Variants in FAM3C observed in about 807,000 individuals in gnomAD.
FAM3C encodes the protein protein FAM3C.
FAM3C carries 15 observed loss-of-function variants against 32.5 expected under a neutral mutation model. The observed-to-expected ratio is 0.46, with a 90% CI of 0.31 to 0.71. The LOEUF (loss-of-function observed/expected upper bound fraction) is 0.71. FAM3C is among the 30% of genes least tolerant of loss of function. The probability of loss-of-function intolerance (pLI) is 0.05; values close to 1 mark genes in which losing one functional copy is unlikely to be tolerated. For missense variants in FAM3C, 175 were observed against 274.4 expected (o/e 0.64, Z 2.56); for synonymous variants, 75 against 86.1 (o/e 0.87, Z 0.72).
In FAM3C at chr7:121,351,284, G is replaced by C. The variant is rs758531201; in HGVS notation, c.468-15C>G. 3.1e-6 allele frequency: 5 copies of C among 1,611,694 alleles called. No individual in the cohort carries two copies. Among genetic ancestry groups the C allele is most frequent in the Non-Finnish European group, 4.2e-6 (5 of 1,178,672 alleles). On this transcript the variant is annotated splice_polypyrimidine_tract_variant and intron_variant, in intron 8 of 9. Transcript: ENST00000359943. ...CATCATTGAGTCTTGAAGAGGGAGAGAAAGAATACAACAATAAACAGAGGG... is the reference window on the plus strand; with the variant it reads ...CATCATTGAGTCTTGAAGAGGGAGACAAAGAATACAACAATAAACAGAGGG...
Position 121,364,177 on chromosome 7 carries a change from C to G in FAM3C, c.284G>C (p.Gly95Ala), listed in dbSNP as rs1008067803. The change falls in exon 6 of 10, where the codon GGT becomes GCT. Residue 95 changes from glycine (G) to alanine (A), a missense_variant. Physicochemically the swap from Gly to Ala is moderately conservative, Grantham distance 60. Coordinates refer to ENST00000359943, the MANE Select transcript of FAM3C (RefSeq NM_014888.3). ...CCCTCTTCCAACATTATTCTTAACA[C>G]CACTCATTAAACTGAAGGGGGAGAA... ...ICLEDNVLMS[G>A]VKNNVGRGIN... 3.1e-6 allele frequency: 5 copies of G among 1,590,278 alleles called. 1 individual carries two copies. The highest frequency in any genetic ancestry group is 1.3e-5 in the African/African-American group (1 of 74,384).
chr7:121,359,578 C>T (rs1029835474), intron 8 of FAM3C, among the ~76,000 whole-genome samples: 1 of 151,994 alleles, frequency 6.6e-6, no homozygotes, highest in Admixed American at 6.5e-5. Context: ...CAAATTTTTA[C>T]AACATATACT....
intron 5 of FAM3C, among the ~76,000 whole-genome samples, chr7:121,368,791 T>C (rs1794078038): frequency 6.6e-6 from 1 of 151,934 alleles, no homozygotes; most frequent in African/African-American, 2.4e-5. Flanking sequence ...AGACCAAGGA[T>C]GGTCTTCCTT....
chr7:121,350,623 C>A, intron 9 of FAM3C, 73 bp from the exon 10 acceptor site: 2 of 1,456,408 alleles, frequency 1.4e-6, no homozygotes, highest in Non-Finnish European at 1.9e-6. Context: ...ACATTTTACA[C>A]ACTTCTCATT....
chr7:121,360,263 C>T (rs1426663703), intron 7 of FAM3C, 136 bp from the exon 8 acceptor site: 2 of 575,520 alleles, frequency 3.5e-6, no homozygotes, highest in Admixed American at 3.0e-5. Context: ...AAAAGACAGA[C>T]AAATCTCATA....
At chr7:121,368,609 C>T (rs558103638) in intron 5 of FAM3C, among the ~76,000 whole-genome samples, 15 of 152,124 alleles carry the variant, frequency 9.9e-5, no homozygotes, top group African/African-American at 3.6e-4. Flanking sequence ...TAAATAAAAT[C>T]ACGACATGCC....
intron 1 of FAM3C, among the ~76,000 whole-genome samples, chr7:121,383,581 G>C (rs1441115826): frequency 1.3e-5 from 2 of 152,110 alleles, no homozygotes; most frequent in Non-Finnish European, 2.9e-5. Context: ...AATATGTTAA[G>C]AAGTACAGAA....
At chr7:121,387,083 A>T (rs1437578971) in intron 1 of FAM3C, among the ~76,000 whole-genome samples, 1 of 152,150 alleles carries the variant, frequency 6.6e-6, no homozygotes, top group East Asian at 1.9e-4. Context: ...GTAGCTAGAA[A>T]GCAACCATAG....
At chr7:121,382,373 CAT>C (rs1794374966) in intron 2 of FAM3C, among the ~76,000 whole-genome samples, 1 of 152,058 alleles carries the variant, frequency 6.6e-6, no homozygotes, top group African/African-American at 2.4e-5. Context: ...AGCAAAAACA[CAT>C]ATTTTATCGA....
chr7:121,381,390 G>A (rs1208352186), intron 2 of FAM3C, among the ~76,000 whole-genome samples: 1 of 151,974 alleles, frequency 6.6e-6, no homozygotes, highest in African/African-American at 2.4e-5. Context: ...TTCATTCAAG[G>A]CAGTTCCCTC....
chr7:121,384,102 G>A (rs576544745), intron 1 of FAM3C, among the ~76,000 whole-genome samples: 34 of 152,158 alleles, frequency 2.2e-4, no homozygotes, highest in African/African-American at 6.0e-4. Context: ...CTGGGGGGCG[G>A]GGGAGTCTGG....
At chr7:121,372,071 G>C (rs775546310) in intron 4 of FAM3C, 39 bp downstream of exon 4, 2 of 1,516,950 alleles carry the variant, frequency 1.3e-6, no homozygotes, top group Non-Finnish European at 1.8e-6. Context: ...GCCTAAGGCA[G>C]AATAAATCAT....
At chr7:121,373,267 A>C (rs534469453) in intron 3 of FAM3C, among the ~76,000 whole-genome samples, 1 of 152,334 alleles carries the variant, frequency 6.6e-6, no homozygotes, top group East Asian at 1.9e-4. Context: ...AGATACTTTA[A>C]GGTGAAGAAA....
At chr7:121,372,513 G>T (rs1794168979) in intron 3 of FAM3C, among the ~76,000 whole-genome samples, 1 of 152,100 alleles carries the variant, frequency 6.6e-6, no homozygotes, top group Non-Finnish European at 1.5e-5. Context: ...CTGCTGTATG[G>T]TGTTGTACAG....
rs1432759055 is a variant in FAM3C, at chr7:121,351,183, C to T, written c.554G>A (p.Cys185Tyr). ...TTTTGTCTTAATGCCCTTCCCACCA[C>T]AGAAGACCCAGTTGTCTCTAAAACC... is the stretch of plus-strand genomic sequence containing the variant. ...NLGFRDNWVF[C>Y]GGKGIKTKSP... Residue 185 changes from cysteine to tyrosine, a missense_variant, in exon 9 of 10, where the codon TGT becomes TAT. Physicochemically the swap from Cys to Tyr is radical, Grantham distance 194 (BLOSUM62 -2). Coordinates refer to ENST00000359943, the MANE Select transcript of FAM3C (RefSeq NM_014888.3). The T allele has an allele frequency of 3.1e-6, 5 of 1,613,646 alleles. No individual in the cohort carries two copies. The highest frequency in any genetic ancestry group is 3.3e-5 in the Admixed American group (2 of 59,950).
At chr7:121,385,294 T>C (rs1299421770) in intron 1 of FAM3C, among the ~76,000 whole-genome samples, 1 of 152,204 alleles carries the variant, frequency 6.6e-6, no homozygotes, top group Non-Finnish European at 1.5e-5. Context: ...AGTACATTTA[T>C]ACATTTGCTC....
intron 8 of FAM3C, among the ~76,000 whole-genome samples, chr7:121,353,962 G>A (rs935434385): frequency 1.3e-5 from 2 of 152,164 alleles, no homozygotes; most frequent in African/African-American, 4.8e-5. Context: ...ACATAGCCCT[G>A]TGTATATCTA....
At chr7:121,365,664 T>C (rs1445925579) in intron 5 of FAM3C, among the ~76,000 whole-genome samples, 1 of 152,048 alleles carries the variant, frequency 6.6e-6, no homozygotes, top group Non-Finnish European at 1.5e-5. Context: ...CCCTCATATA[T>C]TAATAATTAT....
chr7:121,356,187 A>C (rs1793804689), intron 8 of FAM3C, among the ~76,000 whole-genome samples: 1 of 139,308 alleles, frequency 7.2e-6, no homozygotes, highest in South Asian at 2.2e-4. Flanking sequence ...GTAATCTCTG[A>C]AACATGGTAG....
Sources: gnomAD v4.1 joint callset for allele counts (sites outside exome capture counted in the v4.1 genomes callset) on GRCh38, gnomAD v4.1.1 for gene constraint, MANE v1.5 for transcripts, NCBI Gene and HGNC (gene_info 2026-07-23, HGNC 2026-07-21) for gene names.